The following AK7 variants were observed in gnomAD, a reference collection of about 807,000 sequenced individuals.
The protein encoded by AK7 is ATP-AMP transphosphorylase 7.
In AK7, 78 loss-of-function variants were observed where a neutral mutation model predicts 96.6. The ratio of observed to expected loss-of-function variants is 0.81; its 90% confidence interval spans 0.67 to 0.97. The LOEUF (loss-of-function observed/expected upper bound fraction) is 0.97. Among genes scored for constraint, AK7 ranks in the 50% least tolerant of loss-of-function variants. AK7 has a pLI of 0.00. For synonymous variants in AK7, 302 were observed against 317.2 expected, an observed-to-expected ratio of 0.95 and a Z score of 0.51; for missense variants, 855 against 887.9, an observed-to-expected ratio of 0.96 and a Z score of 0.47.
chr14:96,409,535 G>T (rs1167151933), intron 4 of AK7, among the ~76,000 whole-genome samples: 3 of 152,182 alleles, frequency 2.0e-5, no homozygotes, highest in Non-Finnish European at 4.4e-5. Context: ...TCGCACCACT[G>T]CACTCCAGCC....
In AK7 at chr14:96,408,393, G is replaced by C. The variant is rs1360612133; in HGVS notation, c.404-454G>C. ...AAACTGTGCCTCGGTTTCTGCATCT[G>C]TAACCCAGAATACCTATCTCATAGT... On this transcript the variant is annotated intron_variant, in intron 3 of 17. Coordinates refer to ENST00000267584, the MANE Select transcript of AK7 (RefSeq NM_152327.5). 2.0e-5 allele frequency among the ~76,000 whole-genome samples: 3 copies of C among 152,222 alleles called. No homozygotes were observed. The East Asian group carries it at 5.8e-4, about 29-fold the overall frequency.
intron 4 of AK7, among the ~76,000 whole-genome samples, chr14:96,417,036 C>T (rs890634026): frequency 6.6e-6 from 1 of 152,222 alleles, no homozygotes; most frequent in Non-Finnish European, 1.5e-5. Flanking sequence ...TCCCTGGCAG[C>T]CGTTGAAGAC....
At chr14:96,457,566 C>G (rs192521130) in intron 11 of AK7, among the ~76,000 whole-genome samples, 6 of 152,078 alleles carry the variant, frequency 3.9e-5, no homozygotes, top group Non-Finnish European at 7.4e-5. Context: ...GTGGGTTGCC[C>G]TTGAAATTTA....
rs375341853 is a variant in AK7 at position 96,453,375 on chromosome 14, A to G, written c.1098+1805A>G. On this transcript the variant is annotated intron_variant, in intron 10 of 17. Coordinates refer to ENST00000267584, the MANE Select transcript of AK7 (RefSeq NM_152327.5). ...CAAGACTGGACAAGAATATGATAGA[A>G]GGAATAGTATATCTAAAAACTAAAT... Among the ~76,000 whole-genome samples the G allele has an allele frequency of 7.9e-5, 12 of 152,358 alleles. No individual in the cohort carries two copies. In the East Asian group the frequency reaches 2.3e-3, roughly 29 times the overall value.
At chr14:96,477,543 A>T (rs935337834) in intron 14 of AK7, among the ~76,000 whole-genome samples, 108 of 152,144 alleles carry the variant, frequency 7.1e-4, no homozygotes, top group Non-Finnish European at 8.4e-4. Flanking sequence ...CTCACCTTGG[A>T]AAGTTTATTT....
chr14:96,415,934 T>C (rs752624345), intron 4 of AK7, among the ~76,000 whole-genome samples: 2 of 152,102 alleles, frequency 1.3e-5, no homozygotes, highest in Non-Finnish European at 2.9e-5. Flanking sequence ...TGTTTCTGTA[T>C]GTGTGAGTAA....
intron 17 of AK7, 54 bp downstream of exon 17, chr14:96,487,110 T>C (rs1473044369): frequency 4.4e-6 from 7 of 1,582,604 alleles, no homozygotes; most frequent in Middle Eastern, 1.7e-4. Flanking sequence ...TGTGGCGGCT[T>C]ACACCTGTAA....
intron 3 of AK7, among the ~76,000 whole-genome samples, chr14:96,407,580 C>CTTTT (rs11364736): frequency 4.1e-4 from 25 of 60,316 alleles, no homozygotes; most frequent in Admixed American, 9.8e-4. Context: ...TCTTTCTTTT[C>CTTTT]TTTTTTTTTT....
chr14:96,466,348 T>C (rs1053216276), intron 12 of AK7, among the ~76,000 whole-genome samples: 5 of 152,082 alleles, frequency 3.3e-5, no homozygotes, highest in Non-Finnish European at 5.9e-5. Context: ...ACCATTCTCC[T>C]GCCTCAGCCT....
intron 3 of AK7, among the ~76,000 whole-genome samples, chr14:96,406,694 T>C (rs972750545): frequency 6.6e-6 from 1 of 150,826 alleles, no homozygotes; most frequent in Non-Finnish European, 1.5e-5. Flanking sequence ...ATTCCTTTCT[T>C]TTTTTTTTAA....
At chr14:96,468,846 G>A (rs1210226788) in intron 12 of AK7, among the ~76,000 whole-genome samples, 1 of 147,700 alleles carries the variant, frequency 6.8e-6, no homozygotes, top group African/African-American at 2.5e-5. Context: ...TTTTTTTTTA[G>A]AAAAAGCAGG....
At chr14:96,450,732 T>G (rs1893548307) in intron 9 of AK7, among the ~76,000 whole-genome samples, 1 of 149,634 alleles carries the variant, frequency 6.7e-6, no homozygotes, top group Non-Finnish European at 1.5e-5. Context: ...CAGAACTGGG[T>G]GGGTGATGGT....
chr14:96,444,396 A>G (rs186105347), intron 7 of AK7, among the ~76,000 whole-genome samples: 1 of 152,332 alleles, frequency 6.6e-6, no homozygotes, highest in East Asian at 1.9e-4. Context: ...GGGTGAAATG[A>G]TTGCCATTAC....
rs767851012 is a variant in AK7, at chr14:96,478,591, G to A, written c.1682G>A (p.Arg561Gln). The A allele has an allele frequency of 1.2e-6, 2 of 1,614,146 alleles. No homozygotes were observed. The highest frequency in any genetic ancestry group is 8.5e-7 in the Non-Finnish European group (1 of 1,180,034). The change falls in exon 15 of 18, where the codon CGG becomes CAG. Residue 561 changes from arginine to glutamine, a missense_variant. Physicochemically the swap from Arg to Gln is conservative, Grantham distance 43. Transcript: ENST00000267584. ...TTCCTCCGGGCTCTGAGCAACTACC[G>A]GGACATCAATATCGACGATGAGACT... ...DRFLRALSNYRDINIDDETVF... is the reference protein window; with the variant it reads ...DRFLRALSNYQDINIDDETVF...
In AK7 at chr14:96,398,094, T is replaced by C. The variant is rs1218323625; in HGVS notation, c.125T>C (p.Val42Ala). 1 of 1,613,922 alleles carries C rather than the reference T, an allele frequency of 6.2e-7. No individual in the cohort carries two copies. The highest frequency in any genetic ancestry group is 8.5e-7 in the Non-Finnish European group (1 of 1,180,028). ...TTGCAGTTTCTATCTAACTGTGTAG[T>C]TGGGGCTTCGCTTGAAGAAATTACA... ...NIGKFLSNCV[V>A]GASLEEITEE... Residue 42 changes from valine (V) to alanine (A), a missense_variant, in exon 2 of 18, where the codon GTT (valine) becomes GCT (alanine). Coordinates refer to ENST00000267584, the MANE Select transcript of AK7 (RefSeq NM_152327.5).
intron 13 of AK7, 120 bp downstream of exon 13, chr14:96,471,726 C>A: frequency 1.1e-6 from 1 of 895,754 alleles, no homozygotes; most frequent in Non-Finnish European, 1.5e-6. Context: ...TATTTTTGAG[C>A]TTTGGCTCAC....
At chr14:96,433,525 T>G (rs1416002786) in intron 5 of AK7, among the ~76,000 whole-genome samples, 2 of 151,456 alleles carry the variant, frequency 1.3e-5, no homozygotes, top group Non-Finnish European at 3.0e-5. Context: ...CTCCTTCAGG[T>G]CATTTAAGGT....
chr14:96,430,968 T>C (rs901815388), intron 5 of AK7, among the ~76,000 whole-genome samples: 2 of 152,328 alleles, frequency 1.3e-5, no homozygotes, highest in Non-Finnish European at 1.5e-5. Flanking sequence ...ATTGGTCTAT[T>C]CAGGGATTCA....
intron 4 of AK7, among the ~76,000 whole-genome samples, chr14:96,415,744 A>AAATTAATTAATTTAATACATTAATT (rs1566768405): frequency 6.7e-6 from 1 of 148,660 alleles, no homozygotes; most frequent in Non-Finnish European, 1.5e-5. Flanking sequence ...TACATTAATT[A>AAATTAATTAATTTAATACATTAATT]AATTAATTAA....
Sources: allele counts gnomAD v4.1 joint callset (sites outside exome capture counted in the v4.1 genomes callset), GRCh38; gene constraint gnomAD v4.1.1; transcripts MANE v1.5; gene names NCBI Gene and HGNC (gene_info 2026-07-23, HGNC 2026-07-21).